The following PCDH9 variants were observed in gnomAD, a reference collection of about 807,000 sequenced individuals.
PCDH9 encodes the protein protocadherin 9, also known as protocadherin-9.
Under a neutral mutation model 70.6 loss-of-function variants are expected in PCDH9, and 24 were observed. That is an observed-to-expected ratio of 0.34 (90% confidence interval 0.25 to 0.48). The LOEUF (loss-of-function observed/expected upper bound fraction) is 0.48, where lower values mean the gene tolerates loss of function less well. Ranked by LOEUF, PCDH9 falls within the 20% of genes least tolerant of loss-of-function variation. PCDH9 has a pLI of 0.99. For synonymous variants in PCDH9, 562 were observed against 558.5 expected, an observed-to-expected ratio of 1.01 and a Z score of -0.09; for missense variants, 1,281 against 1,503.6, an observed-to-expected ratio of 0.85 and a Z score of 2.45.
chr13:66,788,047 T>C (rs1466540153), intron 3 of PCDH9, among the ~76,000 whole-genome samples: 1 of 152,150 alleles, frequency 6.6e-6, no homozygotes, highest in Non-Finnish European at 1.5e-5. Flanking sequence ...TATACTGATA[T>C]TTAGCAAGTG....
intron 2 of PCDH9, among the ~76,000 whole-genome samples, chr13:67,134,862 TCAAA>T (rs2087195549): frequency 6.6e-6 from 1 of 152,090 alleles, no homozygotes; most frequent in Non-Finnish European, 1.5e-5. Context: ...GAAAACTGTC[TCAAA>T]CAACTGATTA....
chr13:67,012,689 C>T (rs181068199), intron 2 of PCDH9, among the ~76,000 whole-genome samples: 41 of 152,092 alleles, frequency 2.7e-4, no homozygotes, highest in Admixed American at 2.4e-3. Flanking sequence ...CCAGCTTCTG[C>T]CCCCATAATT....
intron 4 of PCDH9, among the ~76,000 whole-genome samples, chr13:66,435,409 T>G (rs1957850071): frequency 6.6e-6 from 1 of 152,148 alleles, no homozygotes; most frequent in South Asian, 2.1e-4. Flanking sequence ...CAGGGTTTTA[T>G]CAAAGCTAGT....
intron 4 of PCDH9, among the ~76,000 whole-genome samples, chr13:66,574,563 GCTAA>G (rs1201955143): frequency 6.6e-6 from 1 of 152,080 alleles, no homozygotes. Context: ...ATACTTTGCT[GCTAA>G]CTCAGTCTAT....
chr13:66,455,487 G>A (rs77611572), intron 4 of PCDH9, among the ~76,000 whole-genome samples: 145 of 152,022 alleles, frequency 9.5e-4, no homozygotes, highest in African/African-American at 3.3e-3. Flanking sequence ...TTTCACTCTT[G>A]CCCCAATCAC....
chr13:66,787,380 C>G (rs1032006062), intron 3 of PCDH9, among the ~76,000 whole-genome samples: 2 of 152,052 alleles, frequency 1.3e-5, no homozygotes, highest in Admixed American at 1.3e-4. Context: ...CTTTGGGAGG[C>G]TGAGGCAGGT....
In PCDH9 at chr13:67,224,712, T is replaced by A. The variant is rs1054038287; in HGVS notation, c.3036+693A>T. On this transcript the variant is annotated intron_variant, in intron 2 of 4. Coordinates refer to ENST00000377865, the MANE Select transcript of PCDH9 (RefSeq NM_203487.3). Reference sequence around the variant, plus strand: ...CATTCTTTTCTTTTTAAATCAGTTATATTAGGCAGCAAGCATTCTTTTTTT... The same window carrying A: ...CATTCTTTTCTTTTTAAATCAGTTAAATTAGGCAGCAAGCATTCTTTTTTT... 8.6e-6 allele frequency: 5 copies of A among 583,496 alleles called. No individual in the cohort carries two copies. In the East Asian group the frequency reaches 7.4e-4, roughly 86 times the overall value. The allele number at this position is 583,496 out of a possible 1,614,324, so 36.1% of individuals were successfully genotyped here.
chr13:66,546,748 C>G (rs924703261), intron 4 of PCDH9, among the ~76,000 whole-genome samples: 18 of 152,174 alleles, frequency 1.2e-4, no homozygotes. Flanking sequence ...TCCAGTCCTG[C>G]AAGCTTCATT....
chr13:66,680,070 A>G (rs1264417633), intron 3 of PCDH9, among the ~76,000 whole-genome samples: 1 of 151,886 alleles, frequency 6.6e-6, no homozygotes, highest in Non-Finnish European at 1.5e-5. Flanking sequence ...CCTAATTTCA[A>G]CTTCTGGATT....
chr13:66,709,816 G>T (rs1023212239), intron 3 of PCDH9, among the ~76,000 whole-genome samples: 1 of 152,148 alleles, frequency 6.6e-6, no homozygotes, highest in Non-Finnish European at 1.5e-5. Flanking sequence ...GTAGAAAAAT[G>T]TAACAGAGTA....
intron 3 of PCDH9, among the ~76,000 whole-genome samples, chr13:66,740,626 C>G (rs1435633382): frequency 6.7e-6 from 1 of 149,744 alleles, no homozygotes; most frequent in Non-Finnish European, 1.5e-5. Context: ...AGAGAAGAAT[C>G]AAATAGACAC....
intron 4 of PCDH9, among the ~76,000 whole-genome samples, chr13:66,616,517 T>A (rs1424218828): frequency 2.1e-5 from 3 of 143,416 alleles, no homozygotes; most frequent in Non-Finnish European, 1.5e-5. Flanking sequence ...TTGCCTACAT[T>A]TTAGACTAGC....
At chr13:66,887,791 T>C (rs1199714843) in intron 3 of PCDH9, among the ~76,000 whole-genome samples, 3 of 152,198 alleles carry the variant, frequency 2.0e-5, no homozygotes, top group African/African-American at 7.2e-5. Context: ...AGCATACTCA[T>C]ATTGATAAAG....
At chr13:66,664,985 G>A (rs760630818) in intron 3 of PCDH9, among the ~76,000 whole-genome samples, 2 of 152,102 alleles carry the variant, frequency 1.3e-5, no homozygotes, top group Non-Finnish European at 2.9e-5. Flanking sequence ...ACTTACACAA[G>A]CTTTGAAGCC....
At chr13:66,728,071 T>TA (rs964989655) in intron 3 of PCDH9, among the ~76,000 whole-genome samples, 10 of 152,266 alleles carry the variant, frequency 6.6e-5, no homozygotes, top group African/African-American at 2.4e-4. Context: ...TCCAGAGTAA[T>TA]AAAAAATAAA....
At chr13:66,604,149 G>C (rs1206255758) in intron 4 of PCDH9, among the ~76,000 whole-genome samples, 2 of 151,912 alleles carry the variant, frequency 1.3e-5, no homozygotes, top group African/African-American at 4.8e-5. Context: ...ATTTCCCCTT[G>C]CTCACACTTT....
chr13:66,833,098 C>A (rs1392758862), intron 3 of PCDH9, among the ~76,000 whole-genome samples: 3 of 152,064 alleles, frequency 2.0e-5, no homozygotes, highest in Admixed American at 1.3e-4. Flanking sequence ...GGTCTCGTAG[C>A]CAACAAGTAT....
intron 2 of PCDH9, among the ~76,000 whole-genome samples, chr13:67,139,576 C>A (rs531591782): frequency 6.6e-6 from 1 of 152,134 alleles, no homozygotes; most frequent in Non-Finnish European, 1.5e-5. Flanking sequence ...TGTAAGATTT[C>A]GAACATATCT....
At chr13:66,893,752 A>G (rs1245244746) in intron 3 of PCDH9, among the ~76,000 whole-genome samples, 1 of 152,142 alleles carries the variant, frequency 6.6e-6, no homozygotes, top group African/African-American at 2.4e-5. Context: ...GATGCACTCT[A>G]ATATAACCTA....
Sources: allele counts gnomAD v4.1 joint callset (sites outside exome capture counted in the v4.1 genomes callset), GRCh38; gene constraint gnomAD v4.1.1; transcripts MANE v1.5; gene names NCBI Gene and HGNC (gene_info 2026-07-23, HGNC 2026-07-21).